AP1S3: variants seen among roughly 807,000 people sequenced by gnomAD.
AP1S3 encodes the protein adaptor related protein complex 1 subunit sigma 3.
A neutral mutation model predicts 20.9 loss-of-function variants in AP1S3; 10 were observed. The observed-to-expected ratio is 0.48, with a 90% CI of 0.29 to 0.81. The LOEUF (loss-of-function observed/expected upper bound fraction) is 0.81. Among genes scored for constraint, AP1S3 ranks in the 30% least tolerant of loss-of-function variants. AP1S3 has a pLI of 0.08. For missense variants in AP1S3, 154 were observed against 183.8 expected (o/e 0.84, Z 0.94); for synonymous variants, 41 against 61.5 (o/e 0.67, Z 1.56).
chr2:223,780,276 AATATATATAT>A (rs138804582), intron 1 of AP1S3, among the ~76,000 whole-genome samples: 344 of 24,170 alleles, frequency 0.014, 3 homozygotes, highest in Non-Finnish European at 0.018. Context: ...ATGCCTGGCT[AATATATATAT>A]ATATATATAT....
intron 1 of AP1S3, among the ~76,000 whole-genome samples, chr2:223,793,480 C>T (rs1691255736): frequency 1.3e-5 from 2 of 152,116 alleles, no homozygotes; most frequent in African/African-American, 4.8e-5. Flanking sequence ...AAACAAAAAA[C>T]CAAGTACTGC....
chr2:223,781,724 A>T lies in AP1S3; in HGVS notation c.4-3855T>A, dbSNP rs575069983. On this transcript the variant is annotated intron_variant, in intron 1 of 4. Transcript: ENST00000396654. ...GAGCATAAAATAGAATGGTTATAGG[A>T]ACACAAAGAATAGGGCTCAGCATTG... Among the ~76,000 whole-genome samples, 11 of 152,308 alleles carry T rather than the reference A, an allele frequency of 7.2e-5. No homozygotes were observed. The South Asian group carries it at 2.3e-3, about 32-fold the overall frequency.
chr2:223,784,420 C>T (rs779564495), intron 1 of AP1S3, among the ~76,000 whole-genome samples: 9 of 152,012 alleles, frequency 5.9e-5, no homozygotes, highest in Admixed American at 2.6e-4. Flanking sequence ...CCCCCCAACA[C>T]GATGTATTTT....
intron 1 of AP1S3, among the ~76,000 whole-genome samples, chr2:223,783,630 G>A (rs76955440): frequency 6.6e-6 from 1 of 152,326 alleles, no homozygotes; most frequent in African/African-American, 2.4e-5. Context: ...CTTCCTTCTA[G>A]GTGAAGAGGA....
intron 4 of AP1S3, among the ~76,000 whole-genome samples, chr2:223,764,926 GCCACACTTCCTAGTGGAATAGAGGAATT>G (rs948653943): frequency 2.6e-5 from 4 of 152,086 alleles, no homozygotes; most frequent in Non-Finnish European, 5.9e-5. Context: ...AAATCTCTAT[GCCACACTTCCTAGTGGAATAGAGGAATT>G]CCACACTTCC....
chr2:223,798,947 C>T (rs1691407882), intron 1 of AP1S3, among the ~76,000 whole-genome samples: 1 of 152,144 alleles, frequency 6.6e-6, no homozygotes, highest in African/African-American at 2.4e-5. Context: ...TAGCTGGTAC[C>T]TGTAATCTCA....
intron 1 of AP1S3, among the ~76,000 whole-genome samples, chr2:223,782,249 G>A (rs182158005): frequency 2.6e-5 from 4 of 152,246 alleles, no homozygotes; most frequent in East Asian, 3.9e-4. Flanking sequence ...CTGACCTCAC[G>A]TGATTGGCCC....
chr2:223,756,745 T>C lies in AP1S3; in HGVS notation c.*1970A>G, dbSNP rs1690231598. On this transcript the variant is annotated 3_prime_UTR_variant, in exon 5 of 5. Coordinates refer to ENST00000396654, the MANE Select transcript of AP1S3 (RefSeq NM_001039569.2). ...TTTGTTCTCCTGCTTGCTTTGCTGT[T>C]TTCCCTAAATATGTCTGCTGAGATG... 1.0e-6 allele frequency: 1 copy of C among 985,424 alleles called. No individual in the cohort carries two copies. Among genetic ancestry groups the C allele is most frequent in the Non-Finnish European group, 1.2e-6 (1 of 829,936 alleles). 61.0% of individuals were successfully genotyped at this position (985,424 alleles called of 1,614,324 possible).
chr2:223,777,319 C>A (rs1462251748), intron 2 of AP1S3, among the ~76,000 whole-genome samples: 1 of 152,170 alleles, frequency 6.6e-6, no homozygotes, highest in South Asian at 2.1e-4. Flanking sequence ...CGCTTGAACC[C>A]AGGAGGTGGA....
At chr2:223,797,589 C>T (rs1199432999) in intron 1 of AP1S3, among the ~76,000 whole-genome samples, 2 of 152,000 alleles carry the variant, frequency 1.3e-5, no homozygotes, top group Non-Finnish European at 2.9e-5. Context: ...TGGCACAACC[C>T]CGTTTCTACT....
chr2:223,775,849 A>C, intron 3 of AP1S3, 52 bp downstream of exon 3: 44 of 1,354,088 alleles, frequency 3.2e-5, no homozygotes, highest in Non-Finnish European at 4.4e-5. Flanking sequence ...AACTGAAGTA[A>C]GAGCTGAGAT....
chr2:223,777,825 T>A lies in AP1S3; in HGVS notation c.48A>T (p.Leu16=), dbSNP rs777644552. Residue 16 remains leucine (L), a synonymous_variant, in exon 2 of 5, where the codon CTA becomes CTT. Coordinates refer to ENST00000396654, the MANE Select transcript of AP1S3 (RefSeq NM_001039569.2). ...LLFSRQGKLR[L]QKWYITLPDK... is the part of the protein sequence containing the mutation. ...CAGGGAGAGTGATGTACCATTTCTG[T>A]AGCCGTAATTTCCCTTGTCGACTGA... The A allele has an allele frequency of 4.6e-5, 74 of 1,613,988 alleles. No individual in the cohort carries two copies. Among genetic ancestry groups the A allele is most frequent in the Non-Finnish European group, 6.2e-5 (73 of 1,180,022 alleles).
intron 3 of AP1S3, among the ~76,000 whole-genome samples, chr2:223,774,221 C>G (rs780486343): frequency 9.9e-5 from 15 of 152,096 alleles, no homozygotes; most frequent in Middle Eastern, 3.4e-3. Context: ...AAAAATGAGC[C>G]GGGCATGGTG....
Position 223,756,609 on chromosome 2 carries a change from T to G in AP1S3, c.*2106A>C. The G allele has an allele frequency of 3.0e-6, 3 of 985,302 alleles. No individual in the cohort carries two copies. Among genetic ancestry groups the G allele is most frequent in the Non-Finnish European group, 3.6e-6 (3 of 829,818 alleles). The allele number at this position is 985,302 out of a possible 1,614,324, so 61.0% of individuals were successfully genotyped here. ...AGCTGATGCCATAATTGTAATTACA[T>G]GGTAACCTGAAGAAATATTGGATAG... On this transcript the variant is annotated 3_prime_UTR_variant, in exon 5 of 5. Transcript: ENST00000396654.
intron 1 of AP1S3, among the ~76,000 whole-genome samples, chr2:223,817,178 G>T (rs2106122708): frequency 6.6e-6 from 1 of 152,234 alleles, no homozygotes; most frequent in Admixed American, 6.5e-5. Flanking sequence ...CGTATGAGAG[G>T]TGGTCCAGTC....
chr2:223,765,410 C>T (rs573465549), intron 3 of AP1S3, 60 bp from the exon 4 acceptor site: 2 of 1,534,270 alleles, frequency 1.3e-6, no homozygotes, highest in South Asian at 2.6e-5. Flanking sequence ...GAAACATCTG[C>T]CCGAATCTCG....
At chr2:223,781,179 A>C (rs1259286384) in intron 1 of AP1S3, among the ~76,000 whole-genome samples, 1 of 151,626 alleles carries the variant, frequency 6.6e-6, no homozygotes, top group Non-Finnish European at 1.5e-5. Flanking sequence ...TGTTTTCTTT[A>C]TCCATTCCAC....
chr2:223,832,151 G>C (rs1416361707), intron 1 of AP1S3, among the ~76,000 whole-genome samples: 27 of 146,806 alleles, frequency 1.8e-4, no homozygotes, highest in African/African-American at 4.4e-4. Context: ...GTGTGTGTGT[G>C]TGTGTGTGTG....
chr2:223,815,755 C>T (rs1227041942), intron 1 of AP1S3, among the ~76,000 whole-genome samples: 1 of 152,130 alleles, frequency 6.6e-6, no homozygotes, highest in East Asian at 1.9e-4. Flanking sequence ...TTGAAAACTG[C>T]AACTTTAAGC....
Sources: gnomAD v4.1 joint callset for allele counts (sites outside exome capture counted in the v4.1 genomes callset) on GRCh38, gnomAD v4.1.1 for gene constraint, MANE v1.5 for transcripts, NCBI Gene and HGNC (gene_info 2026-07-23, HGNC 2026-07-21) for gene names.